The following GPC3 variants were observed in gnomAD, a reference collection of about 807,000 sequenced individuals.
GPC3 encodes the protein glypican-3.
A neutral mutation model predicts 34.4 loss-of-function variants in GPC3; 3 were observed. The observed-to-expected ratio is 0.09, with a 90% CI of 0.04 to 0.23. The LOEUF (loss-of-function observed/expected upper bound fraction) is 0.23, where lower values mean the gene tolerates loss of function less well. GPC3 is among the 10% of genes least tolerant of loss of function. The pLI, the probability that GPC3 is intolerant of heterozygous loss-of-function variation, is 1.00. For synonymous variants in GPC3, 177 were observed against 174.0 expected, an observed-to-expected ratio of 1.02 and a Z score of -0.13; for missense variants, 351 against 445.6, an observed-to-expected ratio of 0.79 and a Z score of 1.91.
intron 3 of GPC3, among the ~76,000 whole-genome samples, chrX:133,747,097 C>T (rs780491538): frequency 1.5e-4 from 17 of 111,948 alleles, no homozygotes; most frequent in African/African-American, 5.5e-4. Flanking sequence ...TATTTGGATA[C>T]GTTAGGTTCT....
At position 133,863,648 on chromosome X, in the gene GPC3, CTT is replaced by C. The variant is rs1165193952; in HGVS notation, c.337+89400_337+89401del. Among the ~76,000 whole-genome samples, 45 of 72,867 alleles carry C rather than the reference CTT, an allele frequency of 6.2e-4. 1 individual carries two copies. The highest frequency in any genetic ancestry group is 3.2e-3 in the African/African-American group (38 of 11,959). The allele number at this position is 72,867 out of a possible 115,157, so 63.3% of individuals were successfully genotyped here. ...ACCCCTAGTTAACATAAAAATATTC[CTT>C]TTTTTTTTTTTTTTTTGAGACGGAG... is the stretch of plus-strand genomic sequence containing the variant. On this transcript the variant is annotated intron_variant, in intron 2 of 7. Coordinates refer to ENST00000370818, the MANE Select transcript of GPC3 (RefSeq NM_004484.4).
intron 2 of GPC3, among the ~76,000 whole-genome samples, chrX:133,902,774 C>G (rs1031619282): frequency 3.6e-5 from 4 of 111,731 alleles, no homozygotes; most frequent in African/African-American, 1.3e-4. Flanking sequence ...AAAAAAGAAA[C>G]TATCCATGAT....
At chrX:133,744,702 C>T (rs952803685) in intron 3 of GPC3, among the ~76,000 whole-genome samples, 1 of 112,286 alleles carries the variant, frequency 8.9e-6, no homozygotes, top group African/African-American at 3.2e-5. Context: ...ACTATAAAGA[C>T]ACATGCACAT....
intron 2 of GPC3, among the ~76,000 whole-genome samples, chrX:133,817,511 CCTT>C (rs1451310342): frequency 9.1e-6 from 1 of 109,917 alleles, no homozygotes; most frequent in Non-Finnish European, 1.9e-5. Context: ...AAACCTGACT[CCTT>C]CTAGGGATCT....
chrX:133,661,873 A>G (rs759237483), intron 5 of GPC3, 23 bp from the exon 6 acceptor site: 2 of 1,198,982 alleles, frequency 1.7e-6, no homozygotes, highest in Admixed American at 4.4e-5. Context: ...AGGTAAAGAA[A>G]AGGTTTGTCA....
intron 6 of GPC3, among the ~76,000 whole-genome samples, chrX:133,613,435 A>G (rs1309306862): frequency 8.9e-6 from 1 of 112,230 alleles, no homozygotes; most frequent in Non-Finnish European, 1.9e-5. Context: ...TGTAAAAGAC[A>G]GAGGGATACA....
Position 133,803,094 on chromosome X carries a change from T to C in GPC3, c.338-48918A>G, listed in dbSNP as rs777405093. Among the ~76,000 whole-genome samples, 3 of 110,089 alleles carry C rather than the reference T, an allele frequency of 2.7e-5. No individual in the cohort carries two copies. In the East Asian group the frequency reaches 8.6e-4, roughly 32 times the overall value. ...GGCATGCGCCACCACACCCAGCTAA[T>C]TTTTGTATTTTTAGTAGAGACGGGG... is the stretch of plus-strand genomic sequence containing the variant. On this transcript the variant is annotated intron_variant, in intron 2 of 7. Coordinates refer to ENST00000370818, the MANE Select transcript of GPC3 (RefSeq NM_004484.4).
chrX:133,571,313 T>C (rs1479809488), intron 7 of GPC3, among the ~76,000 whole-genome samples: 1 of 112,206 alleles, frequency 8.9e-6, no homozygotes, highest in Admixed American at 9.4e-5. Flanking sequence ...CACTCAGCCA[T>C]TGTGCTCTGC....
chrX:133,796,159 A>C lies in GPC3; in HGVS notation c.338-41983T>G, dbSNP rs763888048. On this transcript the variant is annotated intron_variant, in intron 2 of 7. Coordinates refer to ENST00000370818, the MANE Select transcript of GPC3 (RefSeq NM_004484.4). ...ACGGAGTTTCACCGTGTTAGCCAGG[A>C]TGGTCTCAATCTCCTCACCTCGTGA... Among the ~76,000 whole-genome samples the C allele has an allele frequency of 3.9e-4, 43 of 109,626 alleles. 1 individual carries two copies. Among genetic ancestry groups the C allele is most frequent in the Admixed American group, 2.3e-3 (24 of 10,280 alleles).
chrX:133,536,934 C>A (rs762156436), intron 7 of GPC3, among the ~76,000 whole-genome samples: 1 of 111,532 alleles, frequency 9.0e-6, no homozygotes, highest in African/African-American at 3.3e-5. Context: ...AGAATCCTCG[C>A]AAAAAAGCAA....
intron 2 of GPC3, among the ~76,000 whole-genome samples, chrX:133,951,942 C>A (rs914363746): frequency 7.2e-5 from 8 of 111,203 alleles, no homozygotes; most frequent in African/African-American, 2.6e-4. Flanking sequence ...CCATAAATCT[C>A]AAGCTTTGCA....
intron 1 of GPC3, among the ~76,000 whole-genome samples, chrX:133,977,808 G>C (rs1375075300): frequency 1.8e-5 from 2 of 112,096 alleles, no homozygotes; most frequent in Non-Finnish European, 3.8e-5. Flanking sequence ...AGTTTACCTA[G>C]GCAACTAATT....
intron 2 of GPC3, among the ~76,000 whole-genome samples, chrX:133,858,635 T>C (rs1264748808): frequency 8.9e-6 from 1 of 111,935 alleles, no homozygotes; most frequent in Non-Finnish European, 1.9e-5. Flanking sequence ...CATTGCACTT[T>C]GGATTGGGAC....
At chrX:133,977,276 T>C (rs1046972308) in intron 1 of GPC3, among the ~76,000 whole-genome samples, 2 of 111,980 alleles carry the variant, frequency 1.8e-5, no homozygotes, top group African/African-American at 6.5e-5. Context: ...TCAATAAGCA[T>C]AGGGTCTGGA....
chrX:133,807,808 C>T (rs1191349633), intron 2 of GPC3, among the ~76,000 whole-genome samples: 1 of 112,521 alleles, frequency 8.9e-6, no homozygotes, highest in African/African-American at 3.2e-5. Flanking sequence ...CCGTGATCCC[C>T]AAAGAGTAGT....
At chrX:133,903,059 G>A (rs755662747) in intron 2 of GPC3, among the ~76,000 whole-genome samples, 69 of 109,312 alleles carry the variant, frequency 6.3e-4, no homozygotes, top group Non-Finnish European at 9.3e-4. Flanking sequence ...AGCCTGGCAG[G>A]AGAATCGCTT....
intron 5 of GPC3, among the ~76,000 whole-genome samples, chrX:133,666,134 T>C (rs998919643): frequency 8.9e-6 from 1 of 111,887 alleles, no homozygotes; most frequent in African/African-American, 3.2e-5. Context: ...CAGCTGATCC[T>C]TTGTGGTCCT....
chrX:133,708,808 G>T (rs914501838), intron 3 of GPC3, among the ~76,000 whole-genome samples: 15 of 111,855 alleles, frequency 1.3e-4, no homozygotes, highest in Admixed American at 2.9e-4. Flanking sequence ...TAGGCCTAAT[G>T]CTTTTCCTTT....
rs768782219 is a variant in GPC3, at chrX:133,753,821, C to T, written c.693G>A (p.Gln231=). The T allele has an allele frequency of 6.8e-5, 82 of 1,209,477 alleles. No homozygotes were observed. The highest frequency in any genetic ancestry group is 8.6e-5 in the Non-Finnish European group (77 of 894,783). ...TCACTTCAATTCCAAGATTCAGAGC[C>T]TGAAGGAAGATCCTAGTGACTTGCA... ...KSLQVTRIFL[Q]ALNLGIEVIN... is the part of the protein sequence containing the mutation. Residue 231 remains glutamine, a synonymous_variant, in exon 3 of 8, where the codon CAG becomes CAA. Transcript: ENST00000370818.
Sources: allele counts gnomAD v4.1 joint callset (sites outside exome capture counted in the v4.1 genomes callset), GRCh38; gene constraint gnomAD v4.1.1; transcripts MANE v1.5; gene names NCBI Gene and HGNC (gene_info 2026-07-23, HGNC 2026-07-21).